Variants in USP33 observed in about 807,000 individuals in gnomAD.
USP33 encodes the protein ubiquitin carboxyl-terminal hydrolase 33.
USP33 carries 46 observed loss-of-function variants against 124.2 expected under a neutral mutation model. The observed-to-expected ratio is 0.37, with a 90% CI of 0.29 to 0.47. The LOEUF (loss-of-function observed/expected upper bound fraction) is 0.47. USP33 is among the 20% of genes least tolerant of loss of function. USP33 has a pLI of 0.99. For synonymous variants in USP33, 350 were observed against 352.3 expected (o/e 0.99, Z 0.07); for missense variants, 851 against 1,070.6 (o/e 0.79, Z 2.86).
rs1674701512 is a variant in USP33, at chr1:77,706,960, A to C, written c.2406+4787T>G. ...GTGAACACAACAACAATTTGACTGG[A>C]CTAAAAGTTGAGACAGCCCCCTGGC... On this transcript the variant is annotated intron_variant, in intron 21 of 23. Coordinates refer to ENST00000370794, the MANE Select transcript of USP33 (RefSeq NM_201624.3). Among the ~76,000 whole-genome samples, 3 of 152,184 alleles carry C rather than the reference A, an allele frequency of 2.0e-5. No homozygotes were observed. In the South Asian group the frequency reaches 6.2e-4, roughly 31 times the overall value.
At position 77,697,159 on chromosome 1, in the gene USP33, T is replaced by A. The variant is rs2101138337; in HGVS notation, c.*158A>T. Reference sequence around the variant, plus strand: ...CCAACCTGTGGTATATTACACATTTTAATATATTCTTCCATAATGCCCACT... The same window carrying A: ...CCAACCTGTGGTATATTACACATTTAAATATATTCTTCCATAATGCCCACT... On this transcript the variant is annotated 3_prime_UTR_variant, in exon 24 of 24. Coordinates refer to ENST00000370794, the MANE Select transcript of USP33 (RefSeq NM_201624.3). The A allele has an allele frequency of 1.5e-6, 1 of 659,230 alleles. No homozygotes were observed. Among genetic ancestry groups the A allele is most frequent in the East Asian group, 2.9e-5 (1 of 34,566 alleles). The allele number at this position is 659,230 out of a possible 1,614,324, so 40.8% of individuals were successfully genotyped here.
intron 17 of USP33, among the ~76,000 whole-genome samples, chr1:77,716,848 G>C (rs1184824766): frequency 6.6e-6 from 1 of 151,438 alleles, no homozygotes; most frequent in Non-Finnish European, 1.5e-5. Flanking sequence ...CCAGCTATTA[G>C]AAAACATATT....
At chr1:77,721,046 A>G in intron 15 of USP33, 126 bp downstream of exon 15, 1 of 1,000,600 alleles carries the variant, frequency 1.0e-6, no homozygotes, top group Non-Finnish European at 1.5e-6. Context: ...CTCTATTATT[A>G]CTAGGATAAA....
At chr1:77,703,671 C>T (rs1025835601) in intron 21 of USP33, among the ~76,000 whole-genome samples, 1 of 152,140 alleles carries the variant, frequency 6.6e-6, no homozygotes, top group African/African-American at 2.4e-5. Context: ...TCCCCCTCAC[C>T]AGTGTAATCT....
In USP33 at chr1:77,759,739, G is replaced by A. The variant is rs1010353500; in HGVS notation, c.-148C>T. 3.0e-5 allele frequency: 12 copies of A among 398,010 alleles called. No individual in the cohort carries two copies. The highest frequency in any genetic ancestry group is 4.9e-5 in the Non-Finnish European group (11 of 225,718). The allele number at this position is 398,010 out of a possible 1,614,324, so 24.7% of individuals were successfully genotyped here. A position where few individuals can be genotyped will look rare whatever the true frequency, so the allele number is the denominator to read the frequency against. On this transcript the variant is annotated 5_prime_UTR_variant, in exon 1 of 24. Transcript: ENST00000370794. ...TCTTTTCCTTCTCAGCTCTCGGAGA[G>A]GGGCAGTGTCGCGTCAGGAGGGCCG...
chr1:77,741,441 A>T lies in USP33; in HGVS notation c.82-12T>A. The T allele has an allele frequency of 6.2e-7, 1 of 1,600,914 alleles. No homozygotes were observed. The highest frequency in any genetic ancestry group is 1.1e-5 in the South Asian group (1 of 87,736). ...TCCTGACAAGTACCCTATAAAAAGAAATTAAAAAGACAACATTGGTTATAT... is the reference window on the plus strand; with the variant it reads ...TCCTGACAAGTACCCTATAAAAAGATATTAAAAAGACAACATTGGTTATAT... On this transcript the variant is annotated splice_polypyrimidine_tract_variant and intron_variant, in intron 2 of 23. Coordinates refer to ENST00000370794, the MANE Select transcript of USP33 (RefSeq NM_201624.3).
At chr1:77,708,267 A>T (rs1204109225) in intron 21 of USP33, among the ~76,000 whole-genome samples, 1 of 152,176 alleles carries the variant, frequency 6.6e-6, no homozygotes, top group African/African-American at 2.4e-5. Context: ...ACTATATATA[A>T]CCATGATATA....
At chr1:77,721,723 A>C in intron 14 of USP33, 108 bp downstream of exon 14, 1 of 969,320 alleles carries the variant, frequency 1.0e-6, no homozygotes, top group Non-Finnish European at 1.5e-6. Context: ...TGAATGTACT[A>C]TTAAGCTGTC....
At chr1:77,724,859 C>T (rs903350357) in intron 11 of USP33, among the ~76,000 whole-genome samples, 1 of 151,656 alleles carries the variant, frequency 6.6e-6, no homozygotes, top group Non-Finnish European at 1.5e-5. Flanking sequence ...AGTTCGAGAC[C>T]AGCATGGCCC....
intron 1 of USP33, among the ~76,000 whole-genome samples, chr1:77,745,147 T>C (rs1172991247): frequency 6.6e-6 from 1 of 152,258 alleles, no homozygotes; most frequent in Admixed American, 6.5e-5. Flanking sequence ...TTAGCTCTTC[T>C]TGTTGAATTG....
intron 7 of USP33, among the ~76,000 whole-genome samples, chr1:77,733,248 G>C (rs961314960): frequency 6.6e-6 from 1 of 152,134 alleles, no homozygotes; most frequent in African/African-American, 2.4e-5. Flanking sequence ...TTAAAAATTA[G>C]TCAGGTTTGG....
In USP33 at chr1:77,728,468, T is replaced by C; in HGVS notation, c.962A>G (p.Asp321Gly). The change falls in exon 10 of 24, where the codon GAT (aspartate) becomes GGT (glycine). Residue 321 changes from aspartate to glycine, a missense_variant. Physicochemically the swap from Asp to Gly is moderately conservative, Grantham distance 94. Coordinates refer to ENST00000370794, the MANE Select transcript of USP33 (RefSeq NM_201624.3). ...TGACATTTCTGAATTGTTTTCATCATCCTGAATTAACATTGTTGTTTCATT... is the reference window on the plus strand; with the variant it reads ...TGACATTTCTGAATTGTTTTCATCACCCTGAATTAACATTGTTGTTTCATT... ...DNNETTMLIQ[D>G]DENNSEMSKD... 1.2e-6 allele frequency: 2 copies of C among 1,614,092 alleles called. No homozygotes were observed. Among genetic ancestry groups the C allele is most frequent in the South Asian group, 2.2e-5 (2 of 91,082 alleles).
At chr1:77,730,098 C>T (rs1677635251) in intron 8 of USP33, among the ~76,000 whole-genome samples, 160 bp from the exon 9 acceptor site, 1 of 152,088 alleles carries the variant, frequency 6.6e-6, no homozygotes, top group Admixed American at 6.6e-5. Flanking sequence ...CACATCAGAA[C>T]ACCTTATCCT....
intron 3 of USP33, 50 bp from the exon 4 acceptor site, chr1:77,740,989 G>A (rs1456338055): frequency 3.2e-6 from 4 of 1,249,092 alleles, no homozygotes; most frequent in Non-Finnish European, 4.4e-6. Flanking sequence ...TAATATACAT[G>A]TAAATTTATA....
chr1:77,752,578 A>G (rs1016262441), intron 1 of USP33, among the ~76,000 whole-genome samples: 2 of 152,336 alleles, frequency 1.3e-5, no homozygotes, highest in South Asian at 4.1e-4. Context: ...TTACAGAGAA[A>G]AAAAATTATG....
chr1:77,703,248 T>C (rs1392661190), intron 21 of USP33, among the ~76,000 whole-genome samples: 1 of 152,190 alleles, frequency 6.6e-6, no homozygotes, highest in Non-Finnish European at 1.5e-5. Context: ...TTTGCAGGTG[T>C]CTGAATGACT....
At chr1:77,748,134 T>C (rs1186615638) in intron 1 of USP33, among the ~76,000 whole-genome samples, 1 of 152,194 alleles carries the variant, frequency 6.6e-6, no homozygotes, top group Non-Finnish European at 1.5e-5. Flanking sequence ...GTTTTACTTC[T>C]TTTCAAGGGG....
chr1:77,709,353 T>A (rs751259430), intron 21 of USP33, among the ~76,000 whole-genome samples: 3 of 151,970 alleles, frequency 2.0e-5, no homozygotes, highest in Non-Finnish European at 2.9e-5. Context: ...TACAAAAAAA[T>A]TTATTTTTTA....
chr1:77,728,003 T>A (rs969347884), intron 10 of USP33, among the ~76,000 whole-genome samples: 7 of 152,220 alleles, frequency 4.6e-5, no homozygotes, highest in African/African-American at 1.7e-4. Flanking sequence ...CATAATTTGC[T>A]TAAAATAAAA....
Sources: gnomAD v4.1 joint callset for allele counts (sites outside exome capture counted in the v4.1 genomes callset) on GRCh38, gnomAD v4.1.1 for gene constraint, MANE v1.5 for transcripts, NCBI Gene and HGNC (gene_info 2026-07-23, HGNC 2026-07-21) for gene names.